SPOCK3: variants seen among roughly 807,000 people sequenced by gnomAD.
SPOCK3 encodes the protein SPARC (osteonectin), cwcv and kazal like domains proteoglycan 3, also known as testican-3.
A neutral mutation model predicts 56.6 loss-of-function variants in SPOCK3; 30 were observed. The observed-to-expected ratio is 0.53, with a 90% CI of 0.40 to 0.72. The LOEUF (loss-of-function observed/expected upper bound fraction) is 0.72, where lower values mean the gene tolerates loss of function less well. SPOCK3 is among the 30% of genes least tolerant of loss of function. The pLI, the probability that SPOCK3 is intolerant of heterozygous loss-of-function variation, is 0.00. For missense variants in SPOCK3, 527 were observed against 530.0 expected (o/e 0.99, Z 0.06); for synonymous variants, 196 against 183.3 (o/e 1.07, Z -0.56).
chr4:166,836,215 A>G (rs1051760671), intron 6 of SPOCK3, among the ~76,000 whole-genome samples: 2 of 152,214 alleles, frequency 1.3e-5, no homozygotes, highest in Non-Finnish European at 2.9e-5. Flanking sequence ...AGCTAATTAT[A>G]GTACCCCTTC....
intron 2 of SPOCK3, among the ~76,000 whole-genome samples, chr4:167,069,633 C>T (rs572091399): frequency 1.6e-4 from 24 of 152,000 alleles, no homozygotes; most frequent in African/African-American, 4.8e-4. Flanking sequence ...TCAGGTCAAG[C>T]ATGTCTTTCA....
rs184868248 is a variant in SPOCK3 at position 166,983,465 on chromosome 4, A to T, written c.350+16884T>A. Among the ~76,000 whole-genome samples, 5 of 152,126 alleles carry T rather than the reference A, an allele frequency of 3.3e-5. No homozygotes were observed. In the East Asian group the frequency reaches 5.8e-4, roughly 18 times the overall value. On this transcript the variant is annotated intron_variant, in intron 4 of 10. Coordinates refer to ENST00000357545, the MANE Select transcript of SPOCK3 (RefSeq NM_001040159.2). ...CTTGTTCCTTGACTTTTTTCACTTA[A>T]TGTAATGTCCTCTGGGCTCATCCAT... is the stretch of plus-strand genomic sequence containing the variant.
intron 6 of SPOCK3, among the ~76,000 whole-genome samples, chr4:166,832,310 G>A (rs974538700): frequency 3.3e-5 from 5 of 151,732 alleles, no homozygotes; most frequent in African/African-American, 9.7e-5. Flanking sequence ...TGGCTAGCCA[G>A]CAATGAAATG....
chr4:167,098,290 C>T (rs1188702731), intron 2 of SPOCK3, among the ~76,000 whole-genome samples: 1 of 152,030 alleles, frequency 6.6e-6, no homozygotes, highest in African/African-American at 2.4e-5. Flanking sequence ...AGATGAAACA[C>T]AGAATAAAGT....
chr4:166,984,416 G>GGAAGAAAAT lies in SPOCK3; in HGVS notation c.350+15932_350+15933insATTTTCTTC, dbSNP rs574963492. ...AAGTTGACTTTTTCTTCCTCTTGTA[G>GGAAGAAAAT]CTGAAAAATTTAATCAGCTTTTGAA... On this transcript the variant is annotated intron_variant, in intron 4 of 10. Coordinates refer to ENST00000357545, the MANE Select transcript of SPOCK3 (RefSeq NM_001040159.2). Among the ~76,000 whole-genome samples, 13 of 152,144 alleles carry GGAAGAAAAT rather than the reference G, an allele frequency of 8.5e-5. No individual in the cohort carries two copies. The East Asian group carries it at 2.5e-3, about 29-fold the overall frequency.
intron 3 of SPOCK3, among the ~76,000 whole-genome samples, chr4:167,032,511 T>A (rs994638138): frequency 6.6e-6 from 1 of 151,930 alleles, no homozygotes; most frequent in East Asian, 1.9e-4. Flanking sequence ...TAAAATCACA[T>A]AATGGATTTG....
At chr4:166,814,191 G>T (rs1419045485) in intron 6 of SPOCK3, among the ~76,000 whole-genome samples, 4 of 152,036 alleles carry the variant, frequency 2.6e-5, no homozygotes, top group African/African-American at 4.8e-5. Context: ...GAAAGTTTCA[G>T]TGAGAAATCG....
chr4:167,048,111 A>G (rs956080081), intron 3 of SPOCK3, among the ~76,000 whole-genome samples: 34 of 152,174 alleles, frequency 2.2e-4, no homozygotes, highest in African/African-American at 8.2e-4. Context: ...AAGTTATAGG[A>G]AGTGTATAAA....
At chr4:167,117,501 G>T (rs905969307) in intron 2 of SPOCK3, among the ~76,000 whole-genome samples, 1 of 152,182 alleles carries the variant, frequency 6.6e-6, no homozygotes, top group African/African-American at 2.4e-5. Context: ...TCAAGTGAGG[G>T]GAACCCCCCA....
intron 2 of SPOCK3, among the ~76,000 whole-genome samples, chr4:167,199,827 G>A (rs1175483020): frequency 2.7e-5 from 4 of 150,378 alleles, no homozygotes; most frequent in South Asian, 4.1e-4. Flanking sequence ...CTTATCATAT[G>A]TACTATTCTA....
chr4:166,830,778 C>T (rs1293482084), intron 6 of SPOCK3, among the ~76,000 whole-genome samples: 2 of 151,944 alleles, frequency 1.3e-5, no homozygotes, highest in Non-Finnish European at 2.9e-5. Context: ...CATATCTTCT[C>T]GGTATTTTCC....
chr4:166,745,764 C>T (rs1037645970), intron 8 of SPOCK3, among the ~76,000 whole-genome samples: 1 of 152,098 alleles, frequency 6.6e-6, no homozygotes, highest in Non-Finnish European at 1.5e-5. Flanking sequence ...CAGAGACACA[C>T]ATAGGCTCAA....
chr4:167,122,743 T>G (rs1761969804), intron 2 of SPOCK3, among the ~76,000 whole-genome samples: 1 of 152,164 alleles, frequency 6.6e-6, no homozygotes, highest in African/African-American at 2.4e-5. Context: ...AAATGTATAA[T>G]TACTGCTAAC....
intron 6 of SPOCK3, among the ~76,000 whole-genome samples, chr4:166,858,767 C>G (rs906168670): frequency 6.6e-6 from 1 of 152,082 alleles, no homozygotes; most frequent in Admixed American, 6.6e-5. Context: ...AAAAATGTAA[C>G]AATATTTTTA....
intron 6 of SPOCK3, among the ~76,000 whole-genome samples, chr4:166,876,637 A>G (rs1172280890): frequency 6.6e-6 from 1 of 152,200 alleles, no homozygotes; most frequent in Non-Finnish European, 1.5e-5. Context: ...ATGTATATAG[A>G]GCATAATATA....
chr4:167,070,840 T>C (rs547290468), intron 2 of SPOCK3, among the ~76,000 whole-genome samples: 2 of 152,076 alleles, frequency 1.3e-5, no homozygotes, highest in South Asian at 4.1e-4. Context: ...TTTGTCTGGG[T>C]ATAAAGGAAT....
chr4:166,986,857 T>G (rs1052490663), intron 4 of SPOCK3, among the ~76,000 whole-genome samples: 4 of 152,040 alleles, frequency 2.6e-5, no homozygotes, highest in Non-Finnish European at 5.9e-5. Flanking sequence ...CAAAATGAGA[T>G]ATCCAATTCA....
intron 6 of SPOCK3, among the ~76,000 whole-genome samples, chr4:166,815,608 C>G (rs1744301357): frequency 6.6e-6 from 1 of 151,906 alleles, no homozygotes; most frequent in Admixed American, 6.6e-5. Context: ...GCAAGACTCT[C>G]TCTCTACCAA....
intron 6 of SPOCK3, among the ~76,000 whole-genome samples, chr4:166,845,907 G>C (rs1402672304): frequency 1.3e-5 from 2 of 152,128 alleles, no homozygotes; most frequent in African/African-American, 4.8e-5. Context: ...ACTTACCTAA[G>C]CCTAGAGAGT....
Sources: allele counts gnomAD v4.1 joint callset (sites outside exome capture counted in the v4.1 genomes callset), GRCh38; gene constraint gnomAD v4.1.1; transcripts MANE v1.5; gene names NCBI Gene and HGNC (gene_info 2026-07-23, HGNC 2026-07-21).